The following RSRC1 variants were observed in gnomAD, a reference collection of about 807,000 sequenced individuals.
RSRC1 encodes the protein serine/Arginine-related protein 53.
A neutral mutation model predicts 49.1 loss-of-function variants in RSRC1; 39 were observed. The observed-to-expected ratio is 0.79, with a 90% confidence interval of 0.61 to 1.04. The LOEUF (loss-of-function observed/expected upper bound fraction) is 1.04, where lower values mean the gene tolerates loss of function less well. Ranked by LOEUF, RSRC1 falls within the 50% of genes least tolerant of loss-of-function variation. The pLI is 0.00. For synonymous variants in RSRC1, 143 were observed against 130.8 expected (o/e 1.09, Z -0.63); for missense variants, 388 against 402.4 (o/e 0.96, Z 0.31).
In RSRC1 at chr3:158,400,009, C is replaced by A. The variant is rs1361614268; in HGVS notation, c.583+45101C>A. On this transcript the variant is annotated intron_variant, in intron 6 of 9. Coordinates refer to ENST00000611884, the MANE Select transcript of RSRC1 (RefSeq NM_001271838.2). ...AATTAATTTACTAATTGTAACCTAA[C>A]TGATAGAAACTCAAAAAGATGTTTC... 2.6e-5 allele frequency among the ~76,000 whole-genome samples: 4 copies of A among 152,116 alleles called. No individual in the cohort carries two copies. The South Asian group carries it at 8.3e-4, about 31-fold the overall frequency.
At chr3:158,396,939 C>T (rs531061995) in intron 6 of RSRC1, among the ~76,000 whole-genome samples, 1 of 152,190 alleles carries the variant, frequency 6.6e-6, no homozygotes, top group African/African-American at 2.4e-5. Context: ...CCCCATTTTA[C>T]ATATGAGAAA....
chr3:158,381,963 CTT>C (rs1335007503), intron 6 of RSRC1, among the ~76,000 whole-genome samples: 2 of 152,090 alleles, frequency 1.3e-5, no homozygotes, highest in Non-Finnish European at 2.9e-5. Context: ...GTAAATTAAA[CTT>C]AGCTACTGTA....
At chr3:158,228,453 A>G (rs1238909503) in intron 4 of RSRC1, among the ~76,000 whole-genome samples, 1 of 151,902 alleles carries the variant, frequency 6.6e-6, no homozygotes, top group Non-Finnish European at 1.5e-5. Context: ...TGAGAACTAC[A>G]TAGAGTTTGA....
intron 9 of RSRC1, 43 bp from the exon 10 acceptor site, chr3:158,544,140 T>C: frequency 1.5e-6 from 2 of 1,346,230 alleles, no homozygotes; most frequent in South Asian, 1.2e-5. Flanking sequence ...ATTCAAGTTA[T>C]TGGGAGACAG....
chr3:158,471,719 T>C (rs962009150), intron 7 of RSRC1, among the ~76,000 whole-genome samples: 3 of 152,312 alleles, frequency 2.0e-5, no homozygotes, highest in East Asian at 3.9e-4. Flanking sequence ...ACTCAGACTT[T>C]CCTAAGCTAT....
chr3:158,514,805 A>T (rs1007038248), intron 7 of RSRC1, among the ~76,000 whole-genome samples: 1 of 152,184 alleles, frequency 6.6e-6, no homozygotes, highest in African/African-American at 2.4e-5. Flanking sequence ...GTGCTCCAGT[A>T]TTGGGTGCAT....
chr3:158,356,851 A>T (rs1731190486), intron 6 of RSRC1, among the ~76,000 whole-genome samples: 1 of 152,120 alleles, frequency 6.6e-6, no homozygotes, highest in Non-Finnish European at 1.5e-5. Flanking sequence ...TTTTTTAAAA[A>T]TATTTAGTAT....
chr3:158,120,686 T>A (rs574797921), intron 1 of RSRC1, among the ~76,000 whole-genome samples: 1 of 147,230 alleles, frequency 6.8e-6, no homozygotes, highest in Admixed American at 6.8e-5. Context: ...TAATATATAT[T>A]TTATATATAT....
intron 5 of RSRC1, among the ~76,000 whole-genome samples, chr3:158,316,485 C>T (rs1728464609): frequency 7.7e-6 from 1 of 129,526 alleles, no homozygotes; most frequent in Admixed American, 8.7e-5. Context: ...CTCGCTGTCG[C>T]CCAGGCTGGA....
chr3:158,413,368 C>T (rs371712016), intron 6 of RSRC1, among the ~76,000 whole-genome samples: 4 of 152,214 alleles, frequency 2.6e-5, no homozygotes. Context: ...AAATGTAAAA[C>T]CCAAAACTAT....
chr3:158,446,105 A>C (rs1204749309), intron 6 of RSRC1, among the ~76,000 whole-genome samples: 1 of 152,130 alleles, frequency 6.6e-6, no homozygotes, highest in Non-Finnish European at 1.5e-5. Flanking sequence ...AAATATTGAT[A>C]ATGATTAATA....
intron 4 of RSRC1, among the ~76,000 whole-genome samples, chr3:158,263,240 G>A (rs1178837063): frequency 6.6e-6 from 1 of 152,000 alleles, no homozygotes; most frequent in East Asian, 1.9e-4. Context: ...AGAAATGGTT[G>A]TTTTATTTTG....
intron 6 of RSRC1, among the ~76,000 whole-genome samples, chr3:158,444,497 A>G (rs1272523543): frequency 6.6e-6 from 1 of 152,152 alleles, no homozygotes. Context: ...CACCATATAC[A>G]AAAAGTAAGT....
chr3:158,268,273 A>C (rs1247680945), intron 4 of RSRC1, among the ~76,000 whole-genome samples: 2 of 152,172 alleles, frequency 1.3e-5, no homozygotes, highest in African/African-American at 4.8e-5. Context: ...CTTAATTTAA[A>C]AACGCATCAA....
chr3:158,207,757 AAAGGTTGTTTATAAATT>A (rs1321342005), intron 4 of RSRC1, among the ~76,000 whole-genome samples: 1 of 152,126 alleles, frequency 6.6e-6, no homozygotes, highest in Non-Finnish European at 1.5e-5. Flanking sequence ...AAAGCAAGGT[AAAGGTTGTTTATAAATT>A]GGGAAAAACA....
chr3:158,482,805 T>G (rs1738666996), intron 7 of RSRC1, among the ~76,000 whole-genome samples: 1 of 152,050 alleles, frequency 6.6e-6, no homozygotes, highest in Non-Finnish European at 1.5e-5. Flanking sequence ...TTCTCTACTT[T>G]ATAGTTATGG....
intron 7 of RSRC1, among the ~76,000 whole-genome samples, chr3:158,509,236 C>T (rs547027664): frequency 6.6e-6 from 1 of 152,160 alleles, no homozygotes; most frequent in South Asian, 2.1e-4. Flanking sequence ...AGTCTTAGAC[C>T]CACTTGTTGA....
chr3:158,387,747 G>A (rs1733043851), intron 6 of RSRC1, among the ~76,000 whole-genome samples: 1 of 152,154 alleles, frequency 6.6e-6, no homozygotes, highest in African/African-American at 2.4e-5. Context: ...TTTAGTTGGA[G>A]AAGAAAGGGT....
chr3:158,115,075 TG>T (rs1714707614), intron 1 of RSRC1, among the ~76,000 whole-genome samples: 1 of 152,172 alleles, frequency 6.6e-6, no homozygotes, highest in Non-Finnish European at 1.5e-5. Context: ...TGTCTTGTGC[TG>T]GTTTTCAAGA....
Sources: gnomAD v4.1 joint callset for allele counts (sites outside exome capture counted in the v4.1 genomes callset) on GRCh38, gnomAD v4.1.1 for gene constraint, MANE v1.5 for transcripts, NCBI Gene and HGNC (gene_info 2026-07-23, HGNC 2026-07-21) for gene names.